The following ANKLE2 variants were observed in gnomAD, a reference collection of about 807,000 sequenced individuals.
The protein encoded by ANKLE2 is ankyrin repeat and LEM domain-containing protein 2.
In ANKLE2, 55 loss-of-function variants were observed where a neutral mutation model predicts 84.2. The observed-to-expected ratio is 0.65, with a 90% CI of 0.53 to 0.82. ANKLE2 has a LOEUF of 0.82. Ranked by LOEUF, ANKLE2 falls within the 40% of genes least tolerant of loss-of-function variation. The probability of loss-of-function intolerance (pLI) is 0.00; values close to 1 mark genes in which losing one functional copy is unlikely to be tolerated. For synonymous variants in ANKLE2, 551 were observed against 486.1 expected (o/e 1.13, Z -1.76); for missense variants, 1,238 against 1,201.9 (o/e 1.03, Z -0.44).
At chr12:132,749,015 A>C (rs1023250023) in intron 3 of ANKLE2, 3 of 151,848 alleles carry the variant, frequency 2.0e-5, no homozygotes, top group Non-Finnish European at 2.9e-5. Context: ...CGGCCAGTGA[A>C]CTCTGAAAGC....
chr12:132,730,083 A>T lies in ANKLE2; in HGVS notation c.2079T>A (p.Gly693=). 2 of 1,611,426 alleles carry T rather than the reference A, an allele frequency of 1.2e-6. No individual in the cohort carries two copies. Among genetic ancestry groups the T allele is most frequent in the Non-Finnish European group, 8.5e-7 (1 of 1,179,268 alleles). The change falls in exon 11 of 13, where the codon GGT becomes GGA. Residue 693 remains glycine (G), a synonymous_variant. Coordinates refer to ENST00000357997, the MANE Select transcript of ANKLE2 (RefSeq NM_015114.3). ...AGAGCCCATTTCTGCTGCTGTGTGG[A>T]CCTCCCGGCTCGGCGGCTTCTATGA... ...ADLIEAAEPG[G]PHSSRNGLCH... is the part of the protein sequence containing the mutation.
intron 1 of ANKLE2, 86 bp downstream of exon 1, chr12:132,761,532 G>A: frequency 2.7e-6 from 3 of 1,095,606 alleles, no homozygotes; most frequent in South Asian, 4.7e-5. Flanking sequence ...GGCTCCAGGG[G>A]CGCGGCCGGG....
At chr12:132,731,078 T>C (rs1011495247) in intron 10 of ANKLE2, 1 of 152,224 alleles carries the variant, frequency 6.6e-6, no homozygotes, top group African/African-American at 2.4e-5. Flanking sequence ...GGCGCAGCAC[T>C]GTGCGACAGG....
At chr12:132,741,302 G>A in intron 7 of ANKLE2, 117 bp downstream of exon 7, 2 of 982,000 alleles carry the variant, frequency 2.0e-6, no homozygotes, top group South Asian at 3.0e-5. Flanking sequence ...AGGCTTCCGA[G>A]GGGAGCCGGC....
At chr12:132,732,995 C>G (rs2043916492) in intron 10 of ANKLE2, among the ~76,000 whole-genome samples, 1 of 140,190 alleles carries the variant, frequency 7.1e-6, no homozygotes, top group African/African-American at 2.9e-5. Context: ...GCTCTGCGTC[C>G]TGGTGTCTGA....
At chr12:132,734,343 G>GGTCT (rs747917630) in intron 10 of ANKLE2, 42 bp downstream of exon 10, 2 of 1,602,366 alleles carry the variant, frequency 1.2e-6, no homozygotes, top group East Asian at 4.5e-5. Flanking sequence ...CGGCCATGGG[G>GGTCT]GGCCCCTCCC....
At chr12:132,733,871 G>A (rs922370768) in intron 10 of ANKLE2, 4 of 433,510 alleles carry the variant, frequency 9.2e-6, no homozygotes, top group Non-Finnish European at 1.8e-5. Context: ...TTGAGAAAAC[G>A]GCACAGAATG....
chr12:132,742,742 G>GA, intron 6 of ANKLE2, among the ~76,000 whole-genome samples: 1 of 550 alleles, frequency 1.8e-3, no homozygotes, highest in South Asian at 0.071. Flanking sequence ...ACACCACCAT[G>GA]ATCATTGCTA....
In ANKLE2 at chr12:132,746,313, C is replaced by G. The variant is rs565021705; in HGVS notation, c.1230+1519G>C. ...GCAGTGAGCCGAGATTGTGCCACTG[C>G]ACTCCCACCTGGGAGACAGAGCAAG... On this transcript the variant is annotated intron_variant, in intron 5 of 12. Coordinates refer to ENST00000357997, the MANE Select transcript of ANKLE2 (RefSeq NM_015114.3). Among the ~76,000 whole-genome samples, 14 of 141,928 alleles carry G rather than the reference C, an allele frequency of 9.9e-5. No homozygotes were observed. The East Asian group carries it at 2.7e-3, about 27-fold the overall frequency. 93.1% of individuals were successfully genotyped at this position (141,928 alleles called of 152,430 possible). A position where few individuals can be genotyped will look rare whatever the true frequency, so the allele number is the denominator to read the frequency against.
chr12:132,731,078 T>G (rs1011495247), intron 10 of ANKLE2: 3 of 152,224 alleles, frequency 2.0e-5, no homozygotes, highest in African/African-American at 7.2e-5. Context: ...GGCGCAGCAC[T>G]GTGCGACAGG....
At position 132,743,043 on chromosome 12, in the gene ANKLE2, C is replaced by A; in HGVS notation, c.1353+111G>T. 1 of 1,035,644 alleles carries A rather than the reference C, an allele frequency of 9.7e-7. No homozygotes were observed. The highest frequency in any genetic ancestry group is 1.3e-6 in the Non-Finnish European group (1 of 750,696). The allele number at this position is 1,035,644 out of a possible 1,614,324, so 64.2% of individuals were successfully genotyped here. On this transcript the variant is annotated intron_variant, in intron 6 of 12. Transcript: ENST00000357997. The surrounding 1 kb of genome is among the most constrained non-coding windows in gnomAD (Gnocchi z 4.1). ...CTAACATGTGCCCATAAAGCAAACACAACTCATACAGAGCTCCTTGTGGCT... is the reference window on the plus strand; with the variant it reads ...CTAACATGTGCCCATAAAGCAAACAAAACTCATACAGAGCTCCTTGTGGCT...
chr12:132,746,766 G>A (rs1479881580), intron 5 of ANKLE2, among the ~76,000 whole-genome samples: 6 of 152,138 alleles, frequency 3.9e-5, no homozygotes, highest in African/African-American at 1.4e-4. Context: ...TATAAATGAG[G>A]GTTGCTCAAT....
intron 1 of ANKLE2, chr12:132,756,710 G>C (rs756744177): frequency 2.6e-5 from 4 of 152,106 alleles, no homozygotes; most frequent in African/African-American, 9.7e-5. Context: ...GGTGGATCAC[G>C]AGGTCAGCAG....
At chr12:132,740,829 A>AGAAGCGAGTGGGGAGGGAACGTCCCG in intron 7 of ANKLE2, among the ~76,000 whole-genome samples, 1 of 143,954 alleles carries the variant, frequency 6.9e-6, no homozygotes, top group South Asian at 2.4e-4. Context: ...CCTCTCTCCC[A>AGAAGCGAGTGGGGAGGGAACGTCCCG]GAGGCGAGTG....
rs199684875 is a variant in ANKLE2, at chr12:132,727,338, G to A, written c.2721C>T (p.Pro907=). ...CAGGACTGCCCAGGCCTGGCTTTGC[G>A]GGGTTGCTTCCAGCCACGCTGTTTC... The part of the protein sequence containing the change: ...PGRNSVAGSN[P]AKPGLGSPGR... The change falls in exon 13 of 13, where the codon CCC becomes CCT. Residue 907 remains proline, a synonymous_variant. Transcript: ENST00000357997. 1.5e-5 allele frequency: 23 copies of A among 1,562,390 alleles called. No homozygotes were observed. In the Admixed American group the frequency reaches 1.7e-4, roughly 12 times the overall value.
chr12:132,750,955 C>A, intron 2 of ANKLE2, 106 bp from the exon 3 acceptor site: 3 of 995,534 alleles, frequency 3.0e-6, no homozygotes, highest in South Asian at 3.0e-5. Flanking sequence ...GCTACCCAGT[C>A]GCCTGGCTTA....
chr12:132,727,386 GC>G lies in ANKLE2; in HGVS notation c.2672del (p.Gly891AlafsTer71). On this transcript the variant is annotated frameshift_variant, in exon 13 of 13. Transcript: ENST00000357997. LOFTEE classifies it low-confidence loss of function (END_TRUNC). Reference protein sequence around the residue: ...RFKSQLPDLSGPHSYSPGRNS... With the variant: ...RFKSQLPDLSXPHSYSPGRNS... The stretch of plus-strand genomic sequence containing the variant: ...TTCTCCCCGGACTGTAGCTGTGAGG[GC>G]CACTGAGATCTGGCAGCTGAGACTT... 6.4e-7 allele frequency: 1 copy of G among 1,561,562 alleles called. No homozygotes were observed. Among genetic ancestry groups the G allele is most frequent in the East Asian group, 2.4e-5 (1 of 42,250 alleles).
intron 1 of ANKLE2, chr12:132,758,080 C>CAGTT (rs2044523657): frequency 6.6e-6 from 1 of 152,034 alleles, no homozygotes; most frequent in African/African-American, 2.4e-5. Flanking sequence ...AGGTGGGGGC[C>CAGTT]AGTTTGGACC....
chr12:132,733,747 C>T (rs1243464091), intron 10 of ANKLE2, among the ~76,000 whole-genome samples: 2 of 151,990 alleles, frequency 1.3e-5, no homozygotes, highest in South Asian at 2.1e-4. Context: ...CAAGGCGCTT[C>T]GTGCCCTGGT....
Sources: gnomAD v4.1 joint callset for allele counts (sites outside exome capture counted in the v4.1 genomes callset) on GRCh38, gnomAD v4.1.1 for gene constraint, Gnocchi (gnomAD v3.1) non-coding constraint, MANE v1.5 for transcripts, NCBI Gene and HGNC (gene_info 2026-07-23, HGNC 2026-07-21) for gene names.